Variants in SGCZ observed in about 807,000 individuals in gnomAD.
The protein encoded by SGCZ is zeta-sarcoglycan.
SGCZ carries 40 observed loss-of-function variants against 41.3 expected under a neutral mutation model. The observed-to-expected ratio is 0.97, with a 90% confidence interval of 0.75 to 1.26. The LOEUF is 1.26. SGCZ is among the 50% of genes most tolerant of loss of function. SGCZ has a pLI of 0.00. For synonymous variants in SGCZ, 206 were observed against 137.5 expected (o/e 1.50, Z -3.49); for missense variants, 552 against 369.8 (o/e 1.49, Z -4.04).
At chr8:14,811,932 T>G (rs1455051148) in intron 1 of SGCZ, among the ~76,000 whole-genome samples, 2 of 152,052 alleles carry the variant, frequency 1.3e-5, no homozygotes, top group African/African-American at 4.8e-5. Flanking sequence ...ATTTTCTGCA[T>G]TCATCAATTA....
chr8:14,644,124 A>G (rs969677894), intron 1 of SGCZ, among the ~76,000 whole-genome samples: 10 of 151,764 alleles, frequency 6.6e-5, no homozygotes, highest in African/African-American at 1.9e-4. Flanking sequence ...TGTGATGGTT[A>G]ATGTTATTTC....
At chr8:14,717,740 C>T (rs1053515738) in intron 1 of SGCZ, among the ~76,000 whole-genome samples, 1 of 152,096 alleles carries the variant, frequency 6.6e-6, no homozygotes, top group Admixed American at 6.6e-5. Context: ...CCATTCTTAG[C>T]TGGCACTTGA....
intron 1 of SGCZ, among the ~76,000 whole-genome samples, chr8:14,631,480 G>C (rs917791346): frequency 1.3e-5 from 2 of 152,006 alleles, no homozygotes; most frequent in Admixed American, 6.6e-5. Flanking sequence ...ACTACTTCAA[G>C]TCATGGCTTC....
intron 1 of SGCZ, among the ~76,000 whole-genome samples, chr8:14,646,396 G>A (rs12334464): frequency 0.15 from 22,298 of 151,756 alleles, 2,010 homozygotes; most frequent in Admixed American, 0.22. Context: ...TCTTTTTCAT[G>A]GCTGCATAGT....
At chr8:14,839,409 A>C (rs1802822696) in intron 1 of SGCZ, among the ~76,000 whole-genome samples, 3 of 152,022 alleles carry the variant, frequency 2.0e-5, no homozygotes, top group Non-Finnish European at 4.4e-5. Context: ...TGTCTATTAG[A>C]CTCTGTAGTA....
intron 2 of SGCZ, among the ~76,000 whole-genome samples, chr8:14,344,202 G>A (rs892052533): frequency 6.6e-6 from 1 of 151,834 alleles, no homozygotes; most frequent in African/African-American, 2.4e-5. Context: ...GGGGTACAGA[G>A]GAATAGAGGA....
chr8:14,561,622 C>G (rs990131934), intron 1 of SGCZ, among the ~76,000 whole-genome samples: 3 of 152,072 alleles, frequency 2.0e-5, no homozygotes, highest in Admixed American at 2.0e-4. Context: ...AATCAAATGA[C>G]TTCTAAAATC....
intron 1 of SGCZ, among the ~76,000 whole-genome samples, chr8:14,896,122 T>G (rs1805189832): frequency 6.6e-6 from 1 of 152,204 alleles, no homozygotes; most frequent in Admixed American, 6.5e-5. Context: ...AAATAGAAAG[T>G]GAAGAAACTG....
At chr8:14,704,570 ACACCAGGT>A (rs1397390872) in intron 1 of SGCZ, among the ~76,000 whole-genome samples, 1 of 151,994 alleles carries the variant, frequency 6.6e-6, no homozygotes, top group Non-Finnish European at 1.5e-5. Context: ...AATGAAATTA[ACACCAGGT>A]CATGTGGTAG....
In SGCZ at chr8:14,896,528, G is replaced by C. The variant is rs557534896; in HGVS notation, c.39+341057C>G. On this transcript the variant is annotated intron_variant, in intron 1 of 7. Coordinates refer to ENST00000382080, the MANE Select transcript of SGCZ (RefSeq NM_139167.4). ...GCTTCACCCTGTCATCCAAGCTTGA[G>C]TGCAGCGGCATGATCTCGGCTCACT... Among the ~76,000 whole-genome samples, 20 of 152,118 alleles carry C rather than the reference G, an allele frequency of 1.3e-4. No homozygotes were observed. In the South Asian group the frequency reaches 3.9e-3, roughly 30 times the overall value.
chr8:14,164,656 G>A lies in SGCZ; in HGVS notation c.471C>T (p.Ala157=). The part of the protein sequence containing the change: ...EAQCKRFEVR[A]SEDGRVLFSA... ...AAAACAGCACCCTGCCATCTTCACT[G>A]GCTCTCACTTCAAATCTTTTACACT... The change falls in exon 5 of 8, where the codon GCC becomes GCT. Residue 157 remains alanine, a synonymous_variant. Coordinates refer to ENST00000382080, the MANE Select transcript of SGCZ (RefSeq NM_139167.4). 6.2e-7 allele frequency: 1 copy of A among 1,613,530 alleles called. No individual in the cohort carries two copies. Among genetic ancestry groups the A allele is most frequent in the Non-Finnish European group, 8.5e-7 (1 of 1,179,688 alleles).
chr8:14,111,582 C>G (rs1802373426), intron 5 of SGCZ, among the ~76,000 whole-genome samples: 1 of 152,108 alleles, frequency 6.6e-6, no homozygotes, highest in Non-Finnish European at 1.5e-5. Flanking sequence ...GTACAATGTT[C>G]AACACTGCTT....
intron 1 of SGCZ, among the ~76,000 whole-genome samples, chr8:15,108,648 C>T (rs912107293): frequency 2.0e-5 from 3 of 152,142 alleles, no homozygotes; most frequent in Non-Finnish European, 4.4e-5. Context: ...CAGAGCTACG[C>T]ATATGGTGTG....
At chr8:14,383,881 C>T (rs919113225) in intron 2 of SGCZ, among the ~76,000 whole-genome samples, 3 of 152,102 alleles carry the variant, frequency 2.0e-5, no homozygotes, top group East Asian at 1.9e-4. Context: ...AACTACAGAA[C>T]TTACAGGCAT....
At chr8:14,188,765 A>C (rs1200492674) in intron 4 of SGCZ, among the ~76,000 whole-genome samples, 1 of 151,984 alleles carries the variant, frequency 6.6e-6, no homozygotes, top group Non-Finnish European at 1.5e-5. Flanking sequence ...ACACATATCC[A>C]AAATAATAAT....
At chr8:14,938,933 T>C (rs1279049047) in intron 1 of SGCZ, among the ~76,000 whole-genome samples, 1 of 152,094 alleles carries the variant, frequency 6.6e-6, no homozygotes, top group Non-Finnish European at 1.5e-5. Flanking sequence ...TTCAAAGGGC[T>C]AAGGGTACTG....
chr8:14,726,902 A>G (rs1223085510), intron 1 of SGCZ, among the ~76,000 whole-genome samples: 1 of 152,154 alleles, frequency 6.6e-6, no homozygotes, highest in East Asian at 1.9e-4. Context: ...TAGCAAAGAA[A>G]GTATTAAGGT....
chr8:15,072,056 G>A (rs993582091), intron 1 of SGCZ, among the ~76,000 whole-genome samples: 1 of 152,044 alleles, frequency 6.6e-6, no homozygotes, highest in African/African-American at 2.4e-5. Context: ...TATCTTCTCG[G>A]TTTTCATAAC....
At chr8:14,859,943 G>A (rs995370354) in intron 1 of SGCZ, among the ~76,000 whole-genome samples, 1 of 152,134 alleles carries the variant, frequency 6.6e-6, no homozygotes, top group African/African-American at 2.4e-5. Context: ...AATTGACTCA[G>A]ATGTCTTGAA....
Sources: gnomAD v4.1 joint callset for allele counts (sites outside exome capture counted in the v4.1 genomes callset) on GRCh38, gnomAD v4.1.1 for gene constraint, MANE v1.5 for transcripts, NCBI Gene and HGNC (gene_info 2026-07-23, HGNC 2026-07-21) for gene names.